ZNF175: variants seen among roughly 807,000 people sequenced by gnomAD.
The protein encoded by ZNF175 is zinc finger protein OTK18.
Under a neutral mutation model 14.0 loss-of-function variants are expected in ZNF175, and 8 were observed. That is an observed-to-expected ratio of 0.57 (90% CI 0.34 to 1.03). The LOEUF (loss-of-function observed/expected upper bound fraction) is 1.03, where lower values mean the gene tolerates loss of function less well. ZNF175 is among the 50% of genes least tolerant of loss of function. The pLI is 0.03. For missense variants in ZNF175, 764 were observed against 849.5 expected, an observed-to-expected ratio of 0.90 and a Z score of 1.25; for synonymous variants, 255 against 296.8, an observed-to-expected ratio of 0.86 and a Z score of 1.45.
Position 51,589,525 on chromosome 19 carries a change from T to TA in ZNF175, c.*1058_*1059insA. ...TCTATAATGTTTACTGATCTTTATA[T>TA]TACAGATTTTCTCTTCTTTTAGGAT... On this transcript the variant is annotated 3_prime_UTR_variant, in exon 5 of 5. Coordinates refer to ENST00000262259, the MANE Select transcript of ZNF175 (RefSeq NM_007147.4). 1.4e-6 allele frequency: 1 copy of TA among 701,718 alleles called. No individual in the cohort carries two copies. The highest frequency in any genetic ancestry group is 2.6e-6 in the Non-Finnish European group (1 of 384,646). 43.5% of individuals were successfully genotyped at this position (701,718 alleles called of 1,614,324 possible). A position where few individuals can be genotyped will look rare whatever the true frequency, so the allele number is the denominator to read the frequency against.
chr19:51,577,069 T>C (rs1463868051), intron 2 of ZNF175, among the ~76,000 whole-genome samples: 1 of 152,032 alleles, frequency 6.6e-6, no homozygotes, highest in Non-Finnish European at 1.5e-5. Flanking sequence ...ACAAAAGACC[T>C]GAGAGGTTTA....
intron 1 of ZNF175, among the ~76,000 whole-genome samples, chr19:51,572,517 A>G (rs1600077213): frequency 6.6e-6 from 1 of 152,306 alleles, no homozygotes; most frequent in South Asian, 2.1e-4. Flanking sequence ...GAAGCTCAGA[A>G]TAGGTACACC....
intron 2 of ZNF175, among the ~76,000 whole-genome samples, chr19:51,575,632 C>T (rs1981753639): frequency 6.6e-6 from 1 of 152,230 alleles, no homozygotes; most frequent in Non-Finnish European, 1.5e-5. Context: ...TTTAAAAGGG[C>T]TGTCACTTGC....
intron 2 of ZNF175, among the ~76,000 whole-genome samples, chr19:51,577,505 C>A (rs1375477671): frequency 6.6e-6 from 1 of 152,066 alleles, no homozygotes; most frequent in Non-Finnish European, 1.5e-5. Context: ...ATGAATACTC[C>A]TTTTAATGAC....
intron 1 of ZNF175, among the ~76,000 whole-genome samples, chr19:51,572,444 T>C (rs1443505507): frequency 6.6e-6 from 1 of 152,202 alleles, no homozygotes; most frequent in African/African-American, 2.4e-5. Flanking sequence ...TTTTAAGTTT[T>C]AGCTCTAGTC....
At chr19:51,578,091 G>C (rs1473657555) in intron 2 of ZNF175, among the ~76,000 whole-genome samples, 2 of 151,574 alleles carry the variant, frequency 1.3e-5, no homozygotes, top group Non-Finnish European at 2.9e-5. Flanking sequence ...TCACTTTTAA[G>C]TTAATTACTT....
intron 4 of ZNF175, among the ~76,000 whole-genome samples, chr19:51,585,089 T>C (rs1233383405): frequency 6.6e-6 from 1 of 152,228 alleles, no homozygotes; most frequent in Non-Finnish European, 1.5e-5. Flanking sequence ...CATTGACCAA[T>C]GAATTGGTAA....
intron 2 of ZNF175, among the ~76,000 whole-genome samples, chr19:51,576,158 T>G (rs1049455172): frequency 1.8e-4 from 27 of 151,070 alleles, no homozygotes; most frequent in African/African-American, 5.6e-4. Context: ...TTTTGTTTTT[T>G]TTTTTTTTTG....
intron 2 of ZNF175, among the ~76,000 whole-genome samples, chr19:51,579,565 C>T (rs1317411599): frequency 1.3e-5 from 2 of 152,136 alleles, no homozygotes; most frequent in African/African-American, 2.4e-5. Context: ...AACTCCCATG[C>T]CTGTACCAAA....
intron 2 of ZNF175, among the ~76,000 whole-genome samples, chr19:51,577,687 G>A (rs1344151846): frequency 8.7e-6 from 1 of 114,518 alleles, no homozygotes; most frequent in Admixed American, 1.0e-4. Context: ...TTTTTGAGAT[G>A]GAGTCTCACT....
Position 51,589,845 on chromosome 19 carries a change from C to T in ZNF175, c.*1378C>T. On this transcript the variant is annotated 3_prime_UTR_variant, in exon 5 of 5. Transcript: ENST00000262259. ...AACTGAAAATATCTACTCTCTGGCT[C>T]TTTACAGAAAATGTTTGCCAGCACA... The T allele has an allele frequency of 1.9e-6, 1 of 524,968 alleles. No individual in the cohort carries two copies. Among genetic ancestry groups the T allele is most frequent in the Non-Finnish European group, 3.4e-6 (1 of 297,352 alleles). The allele number at this position is 524,968 out of a possible 1,614,324, so 32.5% of individuals were successfully genotyped here.
chr19:51,588,512 TTTCTTGAAGAA>T lies in ZNF175; in HGVS notation c.*46_*56del, dbSNP rs1982254380. 2 of 1,497,472 alleles carry T rather than the reference TTTCTTGAAGAA, an allele frequency of 1.3e-6. No homozygotes were observed. The highest frequency in any genetic ancestry group is 1.8e-6 in the Non-Finnish European group (2 of 1,132,384). The allele number at this position is 1,497,472 out of a possible 1,614,324, so 92.8% of individuals were successfully genotyped here. ...ATTCATAAATGAAATATACTCCGAG[TTTCTTGAAGAA>T]GAGAAAATCTTCTCAGAATCAGGTC... is the stretch of plus-strand genomic sequence containing the variant. On this transcript the variant is annotated 3_prime_UTR_variant, in exon 5 of 5. Coordinates refer to ENST00000262259, the MANE Select transcript of ZNF175 (RefSeq NM_007147.4).
rs542466620 is a variant in ZNF175 at position 51,588,910 on chromosome 19, T to C, written c.*443T>C. ...GATAGGACAATATTTTATGTGTGTG[T>C]GTGCGCCTTATGTATATAAGCATAT... On this transcript the variant is annotated 3_prime_UTR_variant, in exon 5 of 5. Transcript: ENST00000262259. The C allele has an allele frequency of 2.5e-6, 1 of 396,696 alleles. No homozygotes were observed. The highest frequency in any genetic ancestry group is 4.4e-6 in the Non-Finnish European group (1 of 225,664). 24.6% of individuals were successfully genotyped at this position (396,696 alleles called of 1,614,324 possible).
At position 51,581,894 on chromosome 19, in the gene ZNF175, G is replaced by A. The variant is rs776655252; in HGVS notation, c.295+12G>A. ...TCAGAGGTGTCAAGGTGAGTAAGTT[G>A]TACCCGGGCAAATGTAGATATCTTT... On this transcript the variant is annotated intron_variant, in intron 4 of 4. Coordinates refer to ENST00000262259, the MANE Select transcript of ZNF175 (RefSeq NM_007147.4). 3 of 1,610,344 alleles carry A rather than the reference G, an allele frequency of 1.9e-6. No individual in the cohort carries two copies. Among genetic ancestry groups the A allele is most frequent in the Admixed American group, 3.3e-5 (2 of 59,810 alleles).
intron 3 of ZNF175, 132 bp downstream of exon 3, chr19:51,581,649 C>A: frequency 6.6e-7 from 1 of 1,515,182 alleles, no homozygotes; most frequent in Middle Eastern, 2.0e-4. Flanking sequence ...TTGTTTGTTT[C>A]TTTTGGGCAC....
intron 1 of ZNF175, among the ~76,000 whole-genome samples, chr19:51,572,021 G>A (rs910670964): frequency 1.3e-5 from 2 of 152,202 alleles, no homozygotes; most frequent in African/African-American, 4.8e-5. Context: ...GGATTGGTGG[G>A]TGGGTCAGTG....
At chr19:51,582,332 C>CTG (rs773708435) in intron 4 of ZNF175, among the ~76,000 whole-genome samples, 6 of 152,180 alleles carry the variant, frequency 3.9e-5, no homozygotes, top group Non-Finnish European at 8.8e-5. Flanking sequence ...GAGTCTCACT[C>CTG]TGTCACCTAG....
chr19:51,582,852 TG>T (rs1982058381), intron 4 of ZNF175, among the ~76,000 whole-genome samples: 1 of 152,158 alleles, frequency 6.6e-6, no homozygotes, highest in Admixed American at 6.5e-5. Context: ...TTCTTCCATA[TG>T]GGCATCTTTT....
At chr19:51,574,268 A>G (rs1981696290) in intron 2 of ZNF175, 1 of 151,212 alleles carries the variant, frequency 6.6e-6, no homozygotes, top group East Asian at 1.9e-4. Context: ...CCTGCTAGAA[A>G]CATTTGATAA....
Sources: allele counts gnomAD v4.1 joint callset (sites outside exome capture counted in the v4.1 genomes callset), GRCh38; gene constraint gnomAD v4.1.1; transcripts MANE v1.5; gene names NCBI Gene and HGNC (gene_info 2026-07-23, HGNC 2026-07-21).